FRMD4A: variants seen among roughly 807,000 people sequenced by gnomAD.
FRMD4A encodes the protein FERM domain containing 4A.
In FRMD4A, 29 loss-of-function variants were observed where a neutral mutation model predicts 129.1. That is an observed-to-expected ratio of 0.22 (90% CI 0.17 to 0.31). FRMD4A has a LOEUF of 0.31. FRMD4A is among the 10% of genes least tolerant of loss of function. The probability of loss-of-function intolerance (pLI) is 1.00; values close to 1 mark genes in which losing one functional copy is unlikely to be tolerated. For missense variants in FRMD4A, 1,272 were observed against 1,375.8 expected, an observed-to-expected ratio of 0.92 and a Z score of 1.19; for synonymous variants, 634 against 571.6, an observed-to-expected ratio of 1.11 and a Z score of -1.56.
At chr10:14,068,217 G>A (rs1835153300) in intron 2 of FRMD4A, among the ~76,000 whole-genome samples, 1 of 152,198 alleles carries the variant, frequency 6.6e-6, no homozygotes, top group Non-Finnish European at 1.5e-5. Flanking sequence ...GGGGCGCAGG[G>A]GTTGGGGCAG....
intron 2 of FRMD4A, among the ~76,000 whole-genome samples, chr10:14,199,445 CCGGGCT>C (rs1842568225): frequency 1.3e-5 from 2 of 151,054 alleles, no homozygotes; most frequent in African/African-American, 4.9e-5. Context: ...TCTCCACCTC[CCGGGCT>C]CAATCTCAAC....
chr10:14,194,454 A>G (rs1842412972), intron 2 of FRMD4A, among the ~76,000 whole-genome samples: 1 of 152,232 alleles, frequency 6.6e-6, no homozygotes, highest in Non-Finnish European at 1.5e-5. Context: ...ACTAAAAAAT[A>G]CAAAAAATTA....
intron 3 of FRMD4A, among the ~76,000 whole-genome samples, chr10:13,856,246 G>C (rs1023345305): frequency 1.6e-5 from 2 of 128,220 alleles, no homozygotes; most frequent in South Asian, 3.2e-4. Context: ...GTGTGTGTGT[G>C]TGTGTGTGTG....
chr10:14,264,368 C>A (rs370317828), intron 2 of FRMD4A, among the ~76,000 whole-genome samples: 6 of 152,104 alleles, frequency 3.9e-5, no homozygotes, highest in African/African-American at 1.4e-4. Flanking sequence ...TCCATGCAAC[C>A]GCTGATTAAT....
chr10:13,652,181 G>T, intron 23 of FRMD4A: 1 of 592,320 alleles, frequency 1.7e-6, no homozygotes, highest in Non-Finnish European at 3.0e-6. Context: ...AGGAGGGACG[G>T]GCCCTCTTTT....
intron 3 of FRMD4A, among the ~76,000 whole-genome samples, chr10:13,816,532 A>G (rs1413974051): frequency 6.6e-6 from 1 of 152,206 alleles, no homozygotes; most frequent in East Asian, 1.9e-4. Context: ...AGTTGATTTA[A>G]AACAATTTGT....
At position 13,775,749 on chromosome 10, in the gene FRMD4A, G is replaced by C. The variant is rs554697479; in HGVS notation, c.384+7173C>G. On this transcript the variant is annotated intron_variant, in intron 6 of 24. Transcript: ENST00000357447. ...GGAGGAGTCTAAGAGGGAGGTCCTG[G>C]AAAAACAACAGCAGTAGCAGCTGCC... Among the ~76,000 whole-genome samples the C allele has an allele frequency of 2.0e-5, 3 of 152,266 alleles. No individual in the cohort carries two copies. In the East Asian group the frequency reaches 5.8e-4, roughly 29 times the overall value.
intron 2 of FRMD4A, among the ~76,000 whole-genome samples, chr10:14,175,872 T>G (rs752451602): frequency 6.6e-6 from 1 of 152,214 alleles, no homozygotes; most frequent in Non-Finnish European, 1.5e-5. Flanking sequence ...AGTTGCAGGC[T>G]GCAACCTCAT....
At chr10:14,084,235 C>T (rs1836113445) in intron 2 of FRMD4A, among the ~76,000 whole-genome samples, 1 of 152,182 alleles carries the variant, frequency 6.6e-6, no homozygotes, top group South Asian at 2.1e-4. Context: ...CAACCTCCGC[C>T]TCCTGGGTTC....
chr10:14,329,421 C>T (rs1181678576), intron 2 of FRMD4A, among the ~76,000 whole-genome samples: 1 of 152,070 alleles, frequency 6.6e-6, no homozygotes, highest in African/African-American at 2.4e-5. Flanking sequence ...AGAGCTAGGG[C>T]TTTCTTAATA....
intron 2 of FRMD4A, among the ~76,000 whole-genome samples, chr10:14,048,885 TAGAATAGAATAGAATAG>T (rs557427331): frequency 0.018 from 1,632 of 92,900 alleles, 40 homozygotes; most frequent in African/African-American, 0.051. Flanking sequence ...TAGAATAGAA[TAGAATAGAATAGAATAG>T]AAAATAAAAT....
At chr10:13,946,239 G>C (rs184443188) in intron 2 of FRMD4A, among the ~76,000 whole-genome samples, 22 of 152,212 alleles carry the variant, frequency 1.4e-4, no homozygotes, top group South Asian at 4.1e-4. Context: ...GGACTCTTTA[G>C]GCAGATGCTT....
At chr10:14,203,036 G>A (rs1728305295) in intron 2 of FRMD4A, among the ~76,000 whole-genome samples, 1 of 152,120 alleles carries the variant, frequency 6.6e-6, no homozygotes, top group Non-Finnish European at 1.5e-5. Flanking sequence ...GCCTCCCAAA[G>A]TGCTGAGATT....
intron 12 of FRMD4A, among the ~76,000 whole-genome samples, chr10:13,737,293 T>C (rs574147193): frequency 6.6e-5 from 10 of 152,220 alleles, no homozygotes; most frequent in Non-Finnish European, 1.5e-4. Flanking sequence ...TTCTACCATG[T>C]TGGCCAGGCT....
At chr10:13,934,374 G>A (rs564047403) in intron 2 of FRMD4A, among the ~76,000 whole-genome samples, 5 of 152,164 alleles carry the variant, frequency 3.3e-5, no homozygotes, top group Admixed American at 6.5e-5. Context: ...AAATGTCTAC[G>A]GATCCACTTC....
chr10:14,228,277 T>C (rs1008372363), intron 2 of FRMD4A, among the ~76,000 whole-genome samples: 3 of 152,252 alleles, frequency 2.0e-5, no homozygotes, highest in Admixed American at 1.3e-4. Flanking sequence ...ATCCAATTTA[T>C]ATCCTCACAG....
At chr10:14,061,870 T>C (rs910254229) in intron 2 of FRMD4A, among the ~76,000 whole-genome samples, 5 of 152,204 alleles carry the variant, frequency 3.3e-5, no homozygotes, top group African/African-American at 1.2e-4. Context: ...TTTGGTGACA[T>C]TACTGAGTTG....
rs56241757 is a variant in FRMD4A, at chr10:13,724,387, CA to C, written c.759+13456del. 1.8e-3 allele frequency among the ~76,000 whole-genome samples: 263 copies of C among 145,150 alleles called. 7 individuals carry two copies. The East Asian group carries it at 0.038, about 21-fold the overall frequency. ...TGGGTGAAAGAGCAAGACTCTGTCT[CA>C]AAAAAAAAAAGGAGATTTGTCTATT... On this transcript the variant is annotated intron_variant, in intron 12 of 24. Coordinates refer to ENST00000357447, the MANE Select transcript of FRMD4A (RefSeq NM_018027.5).
chr10:13,706,096 T>C (rs58709042), intron 13 of FRMD4A, among the ~76,000 whole-genome samples: 1 of 152,190 alleles, frequency 6.6e-6, no homozygotes, highest in South Asian at 2.1e-4. Flanking sequence ...TGAGCTGGAA[T>C]TGGTGCCAAG....
Sources: allele counts gnomAD v4.1 joint callset (sites outside exome capture counted in the v4.1 genomes callset), GRCh38; gene constraint gnomAD v4.1.1; transcripts MANE v1.5; gene names NCBI Gene and HGNC (gene_info 2026-07-23, HGNC 2026-07-21).